Variants in COPG2 observed in about 807,000 individuals in gnomAD.
COPG2 encodes the protein coat protein complex I subunit gamma 2, also known as coatomer subunit gamma-2.
In COPG2, 37 loss-of-function variants were observed where a neutral mutation model predicts 46.3. The ratio of observed to expected loss-of-function variants is 0.80; its 90% confidence interval spans 0.61 to 1.05. The LOEUF (loss-of-function observed/expected upper bound fraction) is 1.05, where lower values mean the gene tolerates loss of function less well. Among genes scored for constraint, COPG2 ranks in the 50% least tolerant of loss-of-function variants. The pLI is 0.00. For missense variants in COPG2, 427 were observed against 387.8 expected (o/e 1.10, Z -0.85); for synonymous variants, 159 against 129.7 (o/e 1.23, Z -1.53).
At chr7:130,621,321 T>G (rs1554453602) in intron 5 of COPG2, among the ~76,000 whole-genome samples, 2 of 152,360 alleles carry the variant, frequency 1.3e-5, no homozygotes. Context: ...CACCAGATTT[T>G]TTAAGTTACT....
chr7:130,608,011 G>A (rs1554451515), intron 9 of COPG2, among the ~76,000 whole-genome samples: 1 of 152,118 alleles, frequency 6.6e-6, no homozygotes, highest in Non-Finnish European at 1.5e-5. Context: ...ATTTGCAGGA[G>A]GATTAAGCTG....
rs147256922 is a variant in COPG2 at position 130,603,259 on chromosome 7, G to T, written c.737+7694C>A. 1.3e-4 allele frequency among the ~76,000 whole-genome samples: 20 copies of T among 152,120 alleles called. No homozygotes were observed. The East Asian group carries it at 3.7e-3, about 28-fold the overall frequency. On this transcript the variant is annotated intron_variant, in intron 9 of 23. Transcript: ENST00000425248. The stretch of plus-strand genomic sequence containing the variant: ...GTTAAGTCTAAAATAAACATAAATG[G>T]AACTATATAAAATGTATTCATTTGT...
At position 130,568,314 on chromosome 7, in the gene COPG2, G is replaced by A. The variant is rs996616542; in HGVS notation, c.738-3921C>T. 6.3e-3 allele frequency among the ~76,000 whole-genome samples: 965 copies of A among 152,234 alleles called. 7 individuals are homozygous for A. Among genetic ancestry groups the A allele is most frequent in the African/African-American group, 0.022 (913 of 41,532 alleles). On this transcript the variant is annotated intron_variant, in intron 9 of 23. Transcript: ENST00000425248. ...CACCAACCAAGTCCGCTGTCTTAAA[G>A]AGACTCATCTAACACATAAGGACTC...
At chr7:130,541,995 G>A (rs1259120670) in intron 20 of COPG2, among the ~76,000 whole-genome samples, 2 of 125,928 alleles carry the variant, frequency 1.6e-5, no homozygotes, top group African/African-American at 7.3e-5. Flanking sequence ...GGAGAGCAGA[G>A]GGTGAGTTTG....
intron 5 of COPG2, among the ~76,000 whole-genome samples, chr7:130,630,040 C>T (rs1554454957): frequency 6.6e-6 from 1 of 151,878 alleles, no homozygotes; most frequent in Non-Finnish European, 1.5e-5. Context: ...GCCTCAGCCT[C>T]CCAAGTACTG....
chr7:130,667,007 A>G, intron 2 of COPG2, 78 bp from the exon 3 acceptor site: 1 of 716,030 alleles, frequency 1.4e-6, no homozygotes, highest in Middle Eastern at 2.4e-4. Context: ...TTTAATACAG[A>G]CTATTTTTAA....
At chr7:130,545,886 C>G (rs1793434917) in intron 20 of COPG2, among the ~76,000 whole-genome samples, 1 of 151,862 alleles carries the variant, frequency 6.6e-6, no homozygotes, top group Non-Finnish European at 1.5e-5. Context: ...TGGTTTTTTC[C>G]TATACTATAT....
At chr7:130,638,364 G>A (rs923575783) in intron 5 of COPG2, among the ~76,000 whole-genome samples, 1 of 152,158 alleles carries the variant, frequency 6.6e-6, no homozygotes, top group Non-Finnish European at 1.5e-5. Context: ...CAGGGAGATG[G>A]GAGTTTTATC....
intron 9 of COPG2, chr7:130,609,957 A>C (rs1794811147): frequency 2.6e-6 from 1 of 387,032 alleles, no homozygotes; most frequent in Non-Finnish European, 5.0e-6. Flanking sequence ...TTCACTTTAC[A>C]AAACTCCTTT....
At chr7:130,529,462 A>G in intron 20 of COPG2, among the ~76,000 whole-genome samples, 1 of 152,278 alleles carries the variant, frequency 6.6e-6, no homozygotes, top group Non-Finnish European at 1.5e-5. Context: ...TGATAGGGGG[A>G]GAATCTCATG....
intron 12 of COPG2, 131 bp downstream of exon 12, chr7:130,560,902 T>C (rs963996184): frequency 2.5e-6 from 1 of 395,984 alleles, no homozygotes; most frequent in Non-Finnish European, 4.4e-6. Context: ...CAGTAATAAC[T>C]ATGAAAGAAA....
intron 5 of COPG2, among the ~76,000 whole-genome samples, chr7:130,650,523 A>C (rs958757787): frequency 6.6e-6 from 1 of 152,174 alleles, no homozygotes; most frequent in African/African-American, 2.4e-5. Context: ...AATCTAACTG[A>C]AGGTTTTCTG....
At chr7:130,557,716 G>T (rs1793650123) in intron 12 of COPG2, among the ~76,000 whole-genome samples, 1 of 147,824 alleles carries the variant, frequency 6.8e-6, no homozygotes, top group African/African-American at 2.5e-5. Flanking sequence ...TTGGGAGGCT[G>T]AGGCAGGAGA....
chr7:130,554,428 CT>C (rs1793585143), intron 14 of COPG2, 52 bp downstream of exon 14: 3 of 398,086 alleles, frequency 7.5e-6, no homozygotes, highest in African/African-American at 6.2e-5. Flanking sequence ...TTATCACTCT[CT>C]TAAGTATTTC....
At chr7:130,580,818 G>C (rs1446530661) in intron 9 of COPG2, among the ~76,000 whole-genome samples, 3 of 126,970 alleles carry the variant, frequency 2.4e-5, no homozygotes, top group African/African-American at 3.3e-5. Context: ...TCTCTGAATA[G>C]ACCAATAACA....
At chr7:130,595,605 C>A (rs1488309077) in intron 9 of COPG2, among the ~76,000 whole-genome samples, 5 of 152,162 alleles carry the variant, frequency 3.3e-5, no homozygotes, top group Non-Finnish European at 7.4e-5. Flanking sequence ...AGGGTGAAAT[C>A]TTAGAAGAAA....
intron 9 of COPG2, among the ~76,000 whole-genome samples, chr7:130,574,814 T>G (rs1554445992): frequency 6.7e-6 from 1 of 150,306 alleles, no homozygotes; most frequent in Admixed American, 6.6e-5. Flanking sequence ...ATACAAGAAG[T>G]GAAGGGAGAA....
chr7:130,626,020 T>C lies in COPG2; in HGVS notation c.324-8955A>G, dbSNP rs1004710006. 3.9e-5 allele frequency among the ~76,000 whole-genome samples: 6 copies of C among 152,324 alleles called. No homozygotes were observed. In the East Asian group the frequency reaches 9.6e-4, roughly 24 times the overall value. On this transcript the variant is annotated intron_variant, in intron 5 of 23. Transcript: ENST00000425248. ...TTGTATATACTGATGGGGTACACAG[T>C]GATGTTTTGATACATAGAATGCATA...
intron 5 of COPG2, among the ~76,000 whole-genome samples, chr7:130,651,996 C>T (rs1405456242): frequency 6.6e-6 from 1 of 152,170 alleles, no homozygotes; most frequent in Non-Finnish European, 1.5e-5. Context: ...CGTAGATTGA[C>T]TCCAACCCCC....
Sources: gnomAD v4.1 joint callset for allele counts (sites outside exome capture counted in the v4.1 genomes callset) on GRCh38, gnomAD v4.1.1 for gene constraint, MANE v1.5 for transcripts, NCBI Gene and HGNC (gene_info 2026-07-23, HGNC 2026-07-21) for gene names.